Variants in SDK2 observed in about 807,000 individuals in gnomAD.
SDK2 encodes the protein protein sidekick-2.
SDK2 carries 105 observed loss-of-function variants against 253.9 expected under a neutral mutation model. The observed-to-expected ratio is 0.41, with a 90% confidence interval of 0.35 to 0.49. SDK2 has a LOEUF of 0.49. SDK2 is among the 20% of genes least tolerant of loss of function. SDK2 has a pLI of 0.06. For missense variants in SDK2, 2,608 were observed against 3,003.0 expected (o/e 0.87, Z 3.07); for synonymous variants, 1,249 against 1,234.9 (o/e 1.01, Z -0.24).
intron 1 of SDK2, among the ~76,000 whole-genome samples, chr17:73,604,439 C>T (rs1364430213): frequency 6.6e-6 from 1 of 152,212 alleles, no homozygotes; most frequent in Non-Finnish European, 1.5e-5. Flanking sequence ...GCCCACAAAA[C>T]ACGGCATTGC....
chr17:73,514,134 A>T (rs1247209305), intron 1 of SDK2, among the ~76,000 whole-genome samples: 1 of 152,118 alleles, frequency 6.6e-6, no homozygotes, highest in East Asian at 1.9e-4. Flanking sequence ...TCACAGGGTG[A>T]TCCCATTGAT....
Position 73,394,250 on chromosome 17 carries a change from C to T in SDK2, c.3667G>A (p.Val1223Ile). The T allele has an allele frequency of 1.2e-6, 2 of 1,601,300 alleles. No individual in the cohort carries two copies. The highest frequency in any genetic ancestry group is 1.7e-6 in the Non-Finnish European group (2 of 1,171,638). Residue 1223 changes from valine to isoleucine, a missense_variant, in exon 26 of 45, where the codon GTC (valine) becomes ATC (isoleucine). Physicochemically the swap from Val to Ile is conservative, Grantham distance 29. Around this residue, in one of 2 missense-constraint regions of SDK2, gnomAD observed 1,505 missense variants for 1,859.1 expected, o/e 0.81. Coordinates refer to ENST00000392650, the MANE Select transcript of SDK2 (RefSeq NM_001144952.2). Reference sequence around the variant, plus strand: ...AGCCCGTTGCGATCAGCCTCGGGGACCTCGCTCCAGCGCACCAGCATGCTG... The same window carrying T: ...AGCCCGTTGCGATCAGCCTCGGGGATCTCGCTCCAGCGCACCAGCATGCTG... ...SSSMLVRWSE[V>I]PEADRNGLVL...
At chr17:73,535,806 G>A (rs1391359587) in intron 1 of SDK2, among the ~76,000 whole-genome samples, 1 of 152,140 alleles carries the variant, frequency 6.6e-6, no homozygotes, top group African/African-American at 2.4e-5. Flanking sequence ...TTAGGAACCT[G>A]GGTGAGGTCA....
rs2045585302 is a variant in SDK2, at chr17:73,584,951, TTGC to T, written c.64+59071_64+59073del. On this transcript the variant is annotated intron_variant, in intron 1 of 44. Coordinates refer to ENST00000392650, the MANE Select transcript of SDK2 (RefSeq NM_001144952.2). ...GATGCTGATGGCCGTTCATCTGTGG[TTGC>T]TGCTGATTAGAAATCAGTCTCCAGT... Among the ~76,000 whole-genome samples, 3 of 152,214 alleles carry T rather than the reference TTGC, an allele frequency of 2.0e-5. No homozygotes were observed. In the South Asian group the frequency reaches 6.2e-4, roughly 32 times the overall value.
intron 1 of SDK2, among the ~76,000 whole-genome samples, chr17:73,621,904 G>A (rs1308433535): frequency 6.6e-6 from 1 of 152,206 alleles, no homozygotes; most frequent in East Asian, 1.9e-4. Flanking sequence ...TTTGGTGAAA[G>A]ACATGTATTT....
intron 1 of SDK2, among the ~76,000 whole-genome samples, chr17:73,555,627 G>T (rs1236537758): frequency 6.6e-6 from 1 of 152,194 alleles, no homozygotes; most frequent in African/African-American, 2.4e-5. Context: ...CTCCCTCTCT[G>T]CCTCAATGTC....
At chr17:73,630,965 A>G (rs1448334085) in intron 1 of SDK2, among the ~76,000 whole-genome samples, 7 of 151,998 alleles carry the variant, frequency 4.6e-5, no homozygotes, top group African/African-American at 2.4e-5. Flanking sequence ...CTGAGGAGGA[A>G]GGGGTTAAAT....
Position 73,422,284 on chromosome 17 carries a change from C to T in SDK2, c.2045+3G>A. ...CGCCCCTGTAGAGCGCCAGTGCCCT[C>T]ACCTCTCGGTGTCTTTGCTGAACTG... On this transcript the variant is annotated splice_donor_region_variant and intron_variant, in intron 15 of 44. Transcript: ENST00000392650. 6.2e-7 allele frequency: 1 copy of T among 1,613,666 alleles called. No individual in the cohort carries two copies. The highest frequency in any genetic ancestry group is 2.2e-5 in the East Asian group (1 of 44,868).
intron 28 of SDK2, 131 bp from the exon 29 acceptor site, chr17:73,390,612 T>C: frequency 1.1e-6 from 1 of 940,886 alleles, no homozygotes; most frequent in African/African-American, 1.7e-5. Flanking sequence ...CCTTTGGCTG[T>C]GGTCTGTCTG....
At chr17:73,394,369 T>TTGAC in intron 25 of SDK2, 45 bp from the exon 26 acceptor site, 1 of 1,347,680 alleles carries the variant, frequency 7.4e-7, no homozygotes, top group Non-Finnish European at 1.0e-6. Flanking sequence ...GGACCCAACG[T>TTGAC]TGACTGTGCA....
At chr17:73,567,449 G>T (rs1347545533) in intron 1 of SDK2, among the ~76,000 whole-genome samples, 2 of 152,276 alleles carry the variant, frequency 1.3e-5, no homozygotes, top group Non-Finnish European at 2.9e-5. Flanking sequence ...AAGCAAAAAC[G>T]TGGGGTTGAA....
rs915895441 is a variant in SDK2 at position 73,541,001 on chromosome 17, C to A, written c.65-33404G>T. On this transcript the variant is annotated intron_variant, in intron 1 of 44. Transcript: ENST00000392650. This position sits in a 1 kb window ranked among gnomAD's most constrained non-coding sequence, Gnocchi z 4.3. ...GTACACCCCAGCCTCCCCTACAGCACTTTCCTGGCAAATGTGGTCTCGGCC... is the reference window on the plus strand; with the variant it reads ...GTACACCCCAGCCTCCCCTACAGCAATTTCCTGGCAAATGTGGTCTCGGCC... Among the ~76,000 whole-genome samples the A allele has an allele frequency of 8.5e-5, 13 of 152,330 alleles. No individual in the cohort carries two copies. Among genetic ancestry groups the A allele is most frequent in the South Asian group, 6.2e-4 (3 of 4,826 alleles).
Position 73,570,856 on chromosome 17 carries a change from G to A in SDK2, c.65-63259C>T, listed in dbSNP as rs2145866933. On this transcript the variant is annotated intron_variant, in intron 1 of 44. Transcript: ENST00000392650. The surrounding 1 kb of genome is among the most constrained non-coding windows in gnomAD (Gnocchi z 4.2). ...GAAATGCTCCTCCCAGGCCTGCAGG[G>A]ACATGGCTGACCTCACATGCTCTGT... 6.6e-6 allele frequency among the ~76,000 whole-genome samples: 1 copy of A among 152,250 alleles called. No homozygotes were observed.
rs776371081 is a variant in SDK2, at chr17:73,455,934, C to G, written c.451G>C (p.Gly151Arg). The change falls in exon 4 of 45, where the codon GGC becomes CGC. Residue 151 changes from glycine to arginine, a missense_variant. Gly to Arg is a moderately radical substitution (Grantham distance 125, BLOSUM62 -2). Transcript: ENST00000392650. This position sits in a 1 kb window ranked among gnomAD's most constrained non-coding sequence, Gnocchi z 5.0. ...CGGCTGCTGGGCGGGATCTTGCGGC[C>G]GTCCCGGAACCAGGTCACCTGTGGC... is the stretch of plus-strand genomic sequence containing the variant. ...PQPQVTWFRD[G>R]RKIPPSSRIA... is the part of the protein sequence containing the mutation. The G allele has an allele frequency of 2.6e-6, 4 of 1,545,944 alleles. No homozygotes were observed. Among genetic ancestry groups the G allele is most frequent in the Non-Finnish European group, 3.5e-6 (4 of 1,146,382 alleles).
chr17:73,638,087 G>A (rs767525706), intron 1 of SDK2, among the ~76,000 whole-genome samples: 10 of 152,198 alleles, frequency 6.6e-5, no homozygotes, highest in Admixed American at 1.3e-4. Context: ...CATGGCATGG[G>A]GTGTGCTGGA....
Position 73,435,766 on chromosome 17 carries a change from C to T in SDK2, c.1001-122G>A. On this transcript the variant is annotated intron_variant, in intron 8 of 44. Coordinates refer to ENST00000392650, the MANE Select transcript of SDK2 (RefSeq NM_001144952.2). This position sits in a 1 kb window ranked among gnomAD's most constrained non-coding sequence, Gnocchi z 5.7. ...GGGGGTCCCTGGTGAATCTTGGTGT[C>T]TAGAACCTTCTCAGAGGTGCCACTT... The T allele has an allele frequency of 1.2e-6, 1 of 860,472 alleles. No homozygotes were observed. Among genetic ancestry groups the T allele is most frequent in the Non-Finnish European group, 1.7e-6 (1 of 573,932 alleles). 53.3% of individuals were successfully genotyped at this position (860,472 alleles called of 1,614,324 possible). A position where few individuals can be genotyped will look rare whatever the true frequency, so the allele number is the denominator to read the frequency against.
At chr17:73,348,033 T>C (rs2062499969) in intron 44 of SDK2, among the ~76,000 whole-genome samples, 1 of 152,194 alleles carries the variant, frequency 6.6e-6, no homozygotes, top group Non-Finnish European at 1.5e-5. Context: ...GAAAGGTTAC[T>C]TGGCACACCC....
rs144987400 is a variant in SDK2 at position 73,387,951 on chromosome 17, C to T, written c.4279G>A (p.Asp1427Asn). 2.3e-5 allele frequency: 36 copies of T among 1,576,014 alleles called. No homozygotes were observed. Among genetic ancestry groups the T allele is most frequent in the African/African-American group, 8.1e-5 (6 of 73,998 alleles). The change falls in exon 30 of 45, where the codon GAC becomes AAC. Residue 1427 changes from aspartate (D) to asparagine (N), a missense_variant. Coordinates refer to ENST00000392650, the MANE Select transcript of SDK2 (RefSeq NM_001144952.2). Reference protein sequence around the residue: ...SVLLSWEPGSDGLSPVRYYTI... With the variant: ...SVLLSWEPGSNGLSPVRYYTI... ...TAGTAGCGCACAGGGGAGAGCCCGT[C>T]GCTCCCTGGCTCCCAGGACAGCAGC... is the stretch of plus-strand genomic sequence containing the variant.
intron 2 of SDK2, among the ~76,000 whole-genome samples, chr17:73,503,694 A>G (rs1376502485): frequency 6.6e-6 from 1 of 152,188 alleles, no homozygotes; most frequent in Non-Finnish European, 1.5e-5. Flanking sequence ...CTTCCCTACC[A>G]CGTGGCTGTA....
Sources: gnomAD v4.1 joint callset for allele counts (sites outside exome capture counted in the v4.1 genomes callset) on GRCh38, gnomAD v4.1.1 for gene constraint, gnomAD v4.1.1 regional missense constraint, Gnocchi (gnomAD v3.1) non-coding constraint, MANE v1.5 for transcripts, NCBI Gene and HGNC (gene_info 2026-07-23, HGNC 2026-07-21) for gene names.